FILIP1L: variants seen among roughly 807,000 people sequenced by gnomAD.
FILIP1L encodes filamin A-interacting protein 1-like.
In FILIP1L, 55 loss-of-function variants were observed where a neutral mutation model predicts 96.6. The ratio of observed to expected loss-of-function variants is 0.57; its 90% CI spans 0.46 to 0.71. FILIP1L has a LOEUF of 0.71. FILIP1L is among the 30% of genes least tolerant of loss of function. FILIP1L has a pLI of 0.00. For missense variants in FILIP1L, 1,304 were observed against 1,321.2 expected (o/e 0.99, Z 0.20); for synonymous variants, 467 against 473.9 (o/e 0.99, Z 0.19).
At chr3:99,979,452 G>A (rs899819987) in intron 1 of FILIP1L, among the ~76,000 whole-genome samples, 6 of 152,150 alleles carry the variant, frequency 3.9e-5, no homozygotes, top group Non-Finnish European at 8.8e-5. Context: ...TTCTATGTGG[G>A]AACTAAATTT....
intron 1 of FILIP1L, among the ~76,000 whole-genome samples, chr3:100,003,231 A>G (rs187615815): frequency 3.3e-5 from 5 of 152,320 alleles, no homozygotes; most frequent in Non-Finnish European, 7.3e-5. Context: ...ACCAATGACC[A>G]TGTGGAGAAA....
rs116014547 is a variant in FILIP1L at position 99,953,685 on chromosome 3, C to T, written c.-10-22655G>A. Among the ~76,000 whole-genome samples, 686 of 152,284 alleles carry T rather than the reference C, an allele frequency of 4.5e-3. 7 individuals are homozygous for T. The highest frequency in any genetic ancestry group is 0.016 in the African/African-American group (672 of 41,556). ...ATAAATATATTTGAAACACTGATTA[C>T]TTGTCATTTCTACTGGAATGTGCTT... is the stretch of plus-strand genomic sequence containing the variant. On this transcript the variant is annotated intron_variant, in intron 1 of 5. Coordinates refer to ENST00000477258, the MANE Select transcript of FILIP1L (RefSeq NM_001387850.1).
chr3:99,873,335 G>C (rs1391867787), intron 4 of FILIP1L, among the ~76,000 whole-genome samples: 1 of 152,198 alleles, frequency 6.6e-6, no homozygotes, highest in Non-Finnish European at 1.5e-5. Context: ...AGATAAGGTA[G>C]GGTGTATTAG....
intron 1 of FILIP1L, among the ~76,000 whole-genome samples, chr3:100,068,944 A>C (rs994239552): frequency 4.6e-5 from 7 of 152,204 alleles, no homozygotes; most frequent in African/African-American, 9.6e-5. Flanking sequence ...CTCGCCCAGC[A>C]GGTGGCACTG....
chr3:99,872,170 C>G (rs1944822346), intron 4 of FILIP1L, among the ~76,000 whole-genome samples: 1 of 152,068 alleles, frequency 6.6e-6, no homozygotes, highest in Admixed American at 6.5e-5. Context: ...GCAAGTCACA[C>G]TGTGGACATC....
At chr3:99,922,810 CT>C (rs1559689204) in intron 4 of FILIP1L, among the ~76,000 whole-genome samples, 1 of 152,156 alleles carries the variant, frequency 6.6e-6, no homozygotes, top group Non-Finnish European at 1.5e-5. Flanking sequence ...CCAAACTCTC[CT>C]TTTTTGCAGC....
intron 4 of FILIP1L, among the ~76,000 whole-genome samples, chr3:99,892,190 A>G (rs879803388): frequency 6.6e-6 from 1 of 152,194 alleles, no homozygotes; most frequent in African/African-American, 2.4e-5. Flanking sequence ...TGAGAACTGC[A>G]TCTTGAATTA....
chr3:100,014,694 A>G (rs917791995), intron 1 of FILIP1L, among the ~76,000 whole-genome samples: 8 of 151,240 alleles, frequency 5.3e-5, no homozygotes, highest in Admixed American at 1.3e-4. Context: ...TTTTCTTGCT[A>G]TTGAGTTCTT....
intron 1 of FILIP1L, among the ~76,000 whole-genome samples, chr3:100,006,708 CT>C (rs1458388406): frequency 4.0e-5 from 6 of 150,796 alleles, no homozygotes; most frequent in African/African-American, 1.5e-4. Context: ...AGCATAGTGA[CT>C]CCCAGAGTTT....
At chr3:100,014,895 C>CTTTTTTTTTTTTTTTTTTTTTTTTTTT (rs1233573719) in intron 1 of FILIP1L, among the ~76,000 whole-genome samples, 15 of 25,008 alleles carry the variant, frequency 6.0e-4, no homozygotes, top group African/African-American at 7.0e-4. Flanking sequence ...TTCTTTCTTT[C>CTTTTTTTTTTTTTTTTTTTTTTTTTTT]TTTTTTTTTT....
chr3:99,950,629 A>G (rs116756983), intron 1 of FILIP1L, among the ~76,000 whole-genome samples: 388 of 152,314 alleles, frequency 2.5e-3, no homozygotes, highest in African/African-American at 8.2e-3. Context: ...CTGTATGACT[A>G]TCCCCACTCA....
At chr3:99,956,771 G>T (rs547736812) in intron 1 of FILIP1L, among the ~76,000 whole-genome samples, 6 of 151,970 alleles carry the variant, frequency 3.9e-5, no homozygotes, top group South Asian at 2.1e-4. Flanking sequence ...TTTATAACAC[G>T]CCCAGTGGTC....
Position 99,930,781 on chromosome 3 carries a change from C to G in FILIP1L, c.240G>C (p.Glu80Asp). 3 of 1,613,296 alleles carry G rather than the reference C, an allele frequency of 1.9e-6. No individual in the cohort carries two copies. The highest frequency in any genetic ancestry group is 8.5e-7 in the Non-Finnish European group (1 of 1,179,830). ...CAACCCAGCTGACCTGCAGTTCTCC[C>G]TCCAGAATGCTGAGGAGAAATAACA... The part of the protein sequence containing the change: ...DDLLFLLSIL[E>D]GELQARDEVI... Residue 80 changes from glutamate (E) to aspartate (D), a missense_variant, in exon 2 of 6, where the codon GAG (glutamate) becomes GAC (aspartate). Coordinates refer to ENST00000477258, the MANE Select transcript of FILIP1L (RefSeq NM_001387850.1).
chr3:99,839,061 T>C (rs1406574319), intron 5 of FILIP1L, among the ~76,000 whole-genome samples: 1 of 152,126 alleles, frequency 6.6e-6, no homozygotes, highest in East Asian at 1.9e-4. Context: ...CTTTACCTTG[T>C]GGGCACCTCT....
intron 1 of FILIP1L, among the ~76,000 whole-genome samples, chr3:99,985,850 A>G (rs984314087): frequency 2.6e-5 from 4 of 152,092 alleles, no homozygotes; most frequent in Admixed American, 2.0e-4. Context: ...CGGCCTCCCA[A>G]AGTACTGGGA....
At chr3:99,956,504 T>C (rs995566805) in intron 1 of FILIP1L, among the ~76,000 whole-genome samples, 5 of 152,216 alleles carry the variant, frequency 3.3e-5, no homozygotes, top group South Asian at 2.1e-4. Context: ...AGGCACCCAC[T>C]ACCACACTCG....
rs78942106 is a variant in FILIP1L, at chr3:99,927,312, A to G, written c.426+2544T>C. Among the ~76,000 whole-genome samples, 1,035 of 152,126 alleles carry G rather than the reference A, an allele frequency of 6.8e-3. 15 individuals are homozygous for G. Among genetic ancestry groups the G allele is most frequent in the African/African-American group, 0.023 (959 of 41,508 alleles). On this transcript the variant is annotated intron_variant, in intron 3 of 5. Coordinates refer to ENST00000477258, the MANE Select transcript of FILIP1L (RefSeq NM_001387850.1). ...ATTTGCCCTAGGTTATGCTAATAAT[A>G]CTGAGACTCTTTTATTATAGTGCCT...
intron 4 of FILIP1L, among the ~76,000 whole-genome samples, chr3:99,897,553 TTC>T (rs1706298064): frequency 6.6e-6 from 1 of 152,184 alleles, no homozygotes. Flanking sequence ...GTAGTCTATA[TTC>T]TCTAAGGCTT....
intron 1 of FILIP1L, among the ~76,000 whole-genome samples, chr3:100,044,882 G>A (rs1471708333): frequency 6.6e-6 from 1 of 152,170 alleles, no homozygotes; most frequent in East Asian, 1.9e-4. Flanking sequence ...CAGGACTAGT[G>A]GCTCTCTGCT....
Sources: allele counts gnomAD v4.1 joint callset (sites outside exome capture counted in the v4.1 genomes callset), GRCh38; gene constraint gnomAD v4.1.1; transcripts MANE v1.5; gene names NCBI Gene and HGNC (gene_info 2026-07-23, HGNC 2026-07-21).